CMBL: variants seen among roughly 807,000 people sequenced by gnomAD.
CMBL encodes carboxymethylenebutenolidase homolog (Pseudomonas).
CMBL carries 17 observed loss-of-function variants against 28.7 expected under a neutral mutation model. The ratio of observed to expected loss-of-function variants is 0.59; its 90% CI spans 0.41 to 0.89. The LOEUF (loss-of-function observed/expected upper bound fraction) is 0.89. Ranked by LOEUF, CMBL falls within the 40% of genes least tolerant of loss-of-function variation. The pLI is 0.00. For missense variants in CMBL, 310 were observed against 298.5 expected, an observed-to-expected ratio of 1.04 and a Z score of -0.28; for synonymous variants, 106 against 101.6, an observed-to-expected ratio of 1.04 and a Z score of -0.26.
At chr5:10,305,581 G>GT (rs1481769330) in intron 1 of CMBL, among the ~76,000 whole-genome samples, 109 of 151,310 alleles carry the variant, frequency 7.2e-4, no homozygotes, top group African/African-American at 2.6e-3. Flanking sequence ...TTTGTTTTTT[G>GT]TTTTTTTTGA....
rs751142534 is a variant in CMBL at position 10,288,482 on chromosome 5, GA to G, written c.262del (p.Ser88LeufsTer11). 5 of 1,614,024 alleles carry G rather than the reference GA, an allele frequency of 3.1e-6. No individual in the cohort carries two copies. In the Admixed American group the frequency reaches 8.3e-5, roughly 27 times the overall value. On this transcript the variant is annotated frameshift_variant, in exon 3 of 6. Transcript: ENST00000296658. LOFTEE classifies it high-confidence loss of function. ...CTCAGGGAAGATAGACCAGTCGCCA[GA>G]GGGGTCCCAAGGCTCTTGCCCTACA... ...FFVGQEPWDP[S>X]GDWSIFPEWL...
At position 10,289,247 on chromosome 5, in the gene CMBL, A is replaced by C. The variant is rs1746661821; in HGVS notation, c.216-718T>G. Among the ~76,000 whole-genome samples, 1 of 152,166 alleles carries C rather than the reference A, an allele frequency of 6.6e-6. No individual in the cohort carries two copies. Among genetic ancestry groups the C allele is most frequent in the Non-Finnish European group, 1.5e-5 (1 of 68,032 alleles). On this transcript the variant is annotated intron_variant, in intron 2 of 5. Coordinates refer to ENST00000296658, the MANE Select transcript of CMBL (RefSeq NM_138809.4). This position sits in a 1 kb window ranked among gnomAD's most constrained non-coding sequence, Gnocchi z 4.3. ...CCAAGTTCGAGGCTCGGTACACCCC[A>C]TGCTGCTGTGTGGCCTTGGCCTTCA...
chr5:10,297,430 C>T (rs554246826), intron 1 of CMBL, among the ~76,000 whole-genome samples: 71 of 151,784 alleles, frequency 4.7e-4, no homozygotes, highest in African/African-American at 1.6e-3. Context: ...ATTAGCCAGG[C>T]AGGGTGGTGG....
At chr5:10,288,362 AC>A in intron 3 of CMBL, 59 bp downstream of exon 3, 1 of 1,218,738 alleles carries the variant, frequency 8.2e-7, no homozygotes, top group Non-Finnish European at 1.2e-6. Context: ...GGTGAAGCCC[AC>A]CCAGCTCTCA....
rs2126535445 is a variant in CMBL, at chr5:10,279,508, C to T, written c.*945G>A. 6.6e-6 allele frequency: 1 copy of T among 151,582 alleles called. No individual in the cohort carries two copies. Among genetic ancestry groups the T allele is most frequent in the East Asian group, 1.9e-4 (1 of 5,170 alleles). 9.4% of individuals were successfully genotyped at this position (151,582 alleles called of 1,614,324 possible). A position where few individuals can be genotyped will look rare whatever the true frequency, so the allele number is the denominator to read the frequency against. On this transcript the variant is annotated 3_prime_UTR_variant, in exon 6 of 6. Transcript: ENST00000296658. ...TGTGTTCAAAGACCAGAAAAGGCCACACTTGACCTGTCAGCTGGTCCTTGA... is the reference window on the plus strand; with the variant it reads ...TGTGTTCAAAGACCAGAAAAGGCCATACTTGACCTGTCAGCTGGTCCTTGA...
At chr5:10,300,814 A>T (rs897192661) in intron 1 of CMBL, among the ~76,000 whole-genome samples, 1 of 147,776 alleles carries the variant, frequency 6.8e-6, no homozygotes, top group Non-Finnish European at 1.5e-5. Context: ...ATTTTTATTT[A>T]TTTATTTTTT....
rs1746438440 is a variant in CMBL, at chr5:10,278,694, C to T, written c.*1759G>A. 6.6e-6 allele frequency among the ~76,000 whole-genome samples: 1 copy of T among 152,138 alleles called. No individual in the cohort carries two copies. Among genetic ancestry groups the T allele is most frequent in the Admixed American group, 6.6e-5 (1 of 15,264 alleles). On this transcript the variant is annotated 3_prime_UTR_variant, in exon 6 of 6. Coordinates refer to ENST00000296658, the MANE Select transcript of CMBL (RefSeq NM_138809.4). ...TCTGTAAGCAATAAACTGCTTCTGT[C>T]ATTTCTTGGGTTCTGATGAGTTGCC... is the stretch of plus-strand genomic sequence containing the variant.
chr5:10,300,150 G>A (rs966091415), intron 1 of CMBL, among the ~76,000 whole-genome samples: 2 of 152,186 alleles, frequency 1.3e-5, no homozygotes, highest in African/African-American at 2.4e-5. Context: ...CCAATGACTG[G>A]TGTCCTTCTA....
At chr5:10,284,240 T>C (rs547320596) in intron 4 of CMBL, among the ~76,000 whole-genome samples, 2 of 152,366 alleles carry the variant, frequency 1.3e-5, no homozygotes, top group Admixed American at 1.3e-4. Context: ...AAAAGCATGG[T>C]CTGGACAAAG....
At chr5:10,297,041 C>T (rs917191762) in intron 1 of CMBL, among the ~76,000 whole-genome samples, 1 of 152,010 alleles carries the variant, frequency 6.6e-6, no homozygotes, top group Admixed American at 6.5e-5. Context: ...AAAAATTAGC[C>T]AGGCGTGGTG....
intron 1 of CMBL, among the ~76,000 whole-genome samples, chr5:10,297,209 G>C (rs945682019): frequency 6.6e-6 from 1 of 150,764 alleles, no homozygotes; most frequent in Non-Finnish European, 1.5e-5. Flanking sequence ...GAGAGAGAGA[G>C]AGAATGAGAG....
At chr5:10,301,888 A>T (rs1746906994) in intron 1 of CMBL, among the ~76,000 whole-genome samples, 1 of 152,128 alleles carries the variant, frequency 6.6e-6, no homozygotes, top group Non-Finnish European at 1.5e-5. Context: ...CCTAGGGATC[A>T]CAGAAAATCC....
intron 1 of CMBL, among the ~76,000 whole-genome samples, chr5:10,291,616 G>A (rs10060924): frequency 1.3e-5 from 2 of 150,550 alleles, no homozygotes; most frequent in East Asian, 3.9e-4. Flanking sequence ...AGCCGAGATC[G>A]CGCCACTGCA....
chr5:10,284,800 C>T (rs910711711), intron 4 of CMBL, among the ~76,000 whole-genome samples: 5 of 152,104 alleles, frequency 3.3e-5, no homozygotes, highest in Non-Finnish European at 7.4e-5. Context: ...TTTTTAAAGG[C>T]TATATTTCCT....
At chr5:10,285,694 C>CTTT (rs1252497762) in intron 4 of CMBL, among the ~76,000 whole-genome samples, 6 of 87,486 alleles carry the variant, frequency 6.9e-5, no homozygotes, top group South Asian at 3.2e-4. Flanking sequence ...CTTTCTCTTT[C>CTTT]TTTTTCTTTT....
intron 1 of CMBL, among the ~76,000 whole-genome samples, chr5:10,294,493 G>A (rs1385524170): frequency 1.3e-5 from 2 of 152,112 alleles, no homozygotes; most frequent in African/African-American, 4.8e-5. Flanking sequence ...GAGCCTGGGA[G>A]GTCGAGGCTG....
chr5:10,279,714 A>AT lies in CMBL; in HGVS notation c.*738dup, dbSNP rs1328148584. On this transcript the variant is annotated 3_prime_UTR_variant, in exon 6 of 6. Transcript: ENST00000296658. ...GCCACCATGCCCGGCTGATTTTTATATTTTTAGTAGAGATGGGGTTTCACC... is the reference window on the plus strand; with the variant it reads ...GCCACCATGCCCGGCTGATTTTTATATTTTTTAGTAGAGATGGGGTTTCACC... 1.3e-5 allele frequency: 2 copies of AT among 151,834 alleles called. No individual in the cohort carries two copies. The highest frequency in any genetic ancestry group is 2.9e-5 in the Non-Finnish European group (2 of 68,002). The allele number at this position is 151,834 out of a possible 1,614,324, so 9.4% of individuals were successfully genotyped here. A position where few individuals can be genotyped will look rare whatever the true frequency, so the allele number is the denominator to read the frequency against.
intron 1 of CMBL, among the ~76,000 whole-genome samples, chr5:10,291,610 G>A (rs552479503): frequency 6.6e-5 from 10 of 151,498 alleles, no homozygotes; most frequent in African/African-American, 1.9e-4. Flanking sequence ...GCAGTGAGCC[G>A]AGATCGCGCC....
At position 10,277,905 on chromosome 5, in the gene CMBL, T is replaced by C. The variant is rs1035357929; in HGVS notation, c.*2548A>G. On this transcript the variant is annotated 3_prime_UTR_variant, in exon 6 of 6. Coordinates refer to ENST00000296658, the MANE Select transcript of CMBL (RefSeq NM_138809.4). ...GCACGAATTTCAGACCTCCCACCTA[T>C]GTTGAAGACTCTGGCTACTGGCCAC... 6.6e-6 allele frequency among the ~76,000 whole-genome samples: 1 copy of C among 152,252 alleles called. No individual in the cohort carries two copies. The highest frequency in any genetic ancestry group is 2.4e-5 in the African/African-American group (1 of 41,474).
Sources: allele counts gnomAD v4.1 joint callset (sites outside exome capture counted in the v4.1 genomes callset), GRCh38; gene constraint gnomAD v4.1.1; non-coding constraint Gnocchi (gnomAD v3.1); transcripts MANE v1.5; gene names NCBI Gene and HGNC (gene_info 2026-07-23, HGNC 2026-07-21).